The following MFSD11 variants were observed in gnomAD, a reference collection of about 807,000 sequenced individuals.
The protein encoded by MFSD11 is major facilitator superfamily domain containing 11, also known as UNC93-like protein MFSD11.
MFSD11 carries 36 observed loss-of-function variants against 53.5 expected under a neutral mutation model. That is an observed-to-expected ratio of 0.67 (90% confidence interval 0.52 to 0.89). The LOEUF is 0.89. Among genes scored for constraint, MFSD11 ranks in the 40% least tolerant of loss-of-function variants. MFSD11 has a pLI of 0.00. For missense variants in MFSD11, 530 were observed against 543.9 expected, an observed-to-expected ratio of 0.97 and a Z score of 0.25; for synonymous variants, 186 against 184.9, an observed-to-expected ratio of 1.01 and a Z score of -0.05.
At chr17:76,743,125 CAT>C (rs1285361604) in intron 5 of MFSD11, among the ~76,000 whole-genome samples, 5 of 152,264 alleles carry the variant, frequency 3.3e-5, no homozygotes, top group South Asian at 2.1e-4. Context: ...CAATAAATCA[CAT>C]GTTTCAAAGT....
intron 10 of MFSD11, 97 bp downstream of exon 10, chr17:76,769,968 G>GT (rs1015465934): frequency 9.9e-7 from 1 of 1,005,980 alleles, no homozygotes; most frequent in Non-Finnish European, 1.4e-6. Flanking sequence ...TTGAATTTCT[G>GT]TTTTTTCTAC....
At chr17:76,784,629 T>C (rs963980151), downstream of MFSD11, among the ~76,000 whole-genome samples, 1 of 152,064 alleles carries the variant, frequency 6.6e-6, no homozygotes, top group Non-Finnish European at 1.5e-5. Flanking sequence ...GTATGGTGGC[T>C]CACACCTGTA....
intron 7 of MFSD11, among the ~76,000 whole-genome samples, chr17:76,747,734 C>T (rs915804451): frequency 1.3e-5 from 2 of 152,156 alleles, no homozygotes; most frequent in African/African-American, 4.8e-5. Context: ...ATTCAGCCAG[C>T]ACATGTTTGG....
chr17:76,748,835 T>C (rs1394776030), intron 7 of MFSD11, among the ~76,000 whole-genome samples: 3 of 152,086 alleles, frequency 2.0e-5, no homozygotes, highest in African/African-American at 7.2e-5. Context: ...CTCTCTTCTT[T>C]CCTCCCTCTA....
At position 76,741,005 on chromosome 17, in the gene MFSD11, G is replaced by C. The variant is rs769082196; in HGVS notation, c.201G>C (p.Pro67=). The change falls in exon 3 of 13, where the codon CCG becomes CCC. Residue 67 remains proline (P), a synonymous_variant. Transcript: ENST00000685175. ...GVFSASNLIT[P]SVVAIVGPQL... ...TCTCTGCTTCAAATTTGATTACACCGTCAGTGGTTGCCATTGTAGGACCTC... is the reference window on the plus strand; with the variant it reads ...TCTCTGCTTCAAATTTGATTACACCCTCAGTGGTTGCCATTGTAGGACCTC... 15 of 1,611,564 alleles carry C rather than the reference G, an allele frequency of 9.3e-6. No homozygotes were observed. The highest frequency in any genetic ancestry group is 5.4e-5 in the African/African-American group (4 of 74,058).
intron 8 of MFSD11, among the ~76,000 whole-genome samples, chr17:76,765,868 A>G (rs998537885): frequency 6.6e-6 from 1 of 151,746 alleles, no homozygotes; most frequent in Non-Finnish European, 1.5e-5. Context: ...TAGAGTTCCC[A>G]TGTGGCCCCT....
At position 76,738,942 on chromosome 17, in the gene MFSD11, C is replaced by T. The variant is rs2077775096; in HGVS notation, c.101C>T (p.Thr34Ile). 1.9e-5 allele frequency: 31 copies of T among 1,613,744 alleles called. No homozygotes were observed. Among genetic ancestry groups the T allele is most frequent in the Non-Finnish European group, 2.6e-5 (31 of 1,179,734 alleles). The change falls in exon 2 of 13, where the codon ACT (threonine) becomes ATT (isoleucine). Residue 34 changes from threonine (T) to isoleucine (I), a missense_variant. Thr to Ile is a moderately conservative substitution (Grantham distance 89). Coordinates refer to ENST00000685175, the MANE Select transcript of MFSD11 (RefSeq NM_001242532.5). ...AFQTCGNVAQTVIRSLNRTDF... is the reference protein window; with the variant it reads ...AFQTCGNVAQIVIRSLNRTDF... ...TTAGTTTTATCTTCCACACAGCAAA[C>T]TGTCATCAGGAGCTTAAATAGGACA... is the stretch of plus-strand genomic sequence containing the variant.
At chr17:76,771,065 G>A (rs1194711933) in intron 10 of MFSD11, among the ~76,000 whole-genome samples, 2 of 152,168 alleles carry the variant, frequency 1.3e-5, no homozygotes, top group Non-Finnish European at 2.9e-5. Flanking sequence ...ACAATCATTG[G>A]CCATTGGTGA....
At position 76,765,511 on chromosome 17, in the gene MFSD11, G is replaced by A. The variant is rs79127601; in HGVS notation, c.683-1875G>A. Among the ~76,000 whole-genome samples the A allele has an allele frequency of 5.3e-4, 76 of 144,144 alleles. No homozygotes were observed. The East Asian group carries it at 0.015, about 28-fold the overall frequency. The allele number at this position is 144,144 out of a possible 152,430, so 94.6% of individuals were successfully genotyped here. On this transcript the variant is annotated intron_variant, in intron 8 of 12. Transcript: ENST00000685175. ...AGGGTGTTGCTCTGCCGCCTAGGGCGGAGTACAGTGGCTTGATCAGAGCTC... is the reference window on the plus strand; with the variant it reads ...AGGGTGTTGCTCTGCCGCCTAGGGCAGAGTACAGTGGCTTGATCAGAGCTC...
At chr17:76,758,001 CTG>C (rs1431409425) in intron 8 of MFSD11, among the ~76,000 whole-genome samples, 3 of 151,576 alleles carry the variant, frequency 2.0e-5, no homozygotes, top group Non-Finnish European at 4.4e-5. Flanking sequence ...CAGAGCGAGA[CTG>C]TGTCTCAAAA....
chr17:76,755,812 A>ATATATATAT (rs1555669398), intron 8 of MFSD11, among the ~76,000 whole-genome samples: 5 of 19,518 alleles, frequency 2.6e-4, no homozygotes, highest in African/African-American at 4.9e-4. Flanking sequence ...ATATATATAT[A>ATATATATAT]TTTTTTTTTT....
intron 1 of MFSD11, among the ~76,000 whole-genome samples, 153 bp from the exon 2 acceptor site, chr17:76,738,785 G>A (rs1356407102): frequency 1.3e-5 from 2 of 152,130 alleles, no homozygotes; most frequent in South Asian, 4.1e-4. Flanking sequence ...CTGCAGTTCT[G>A]TTGTCCTTTT....
At chr17:76,760,548 T>C (rs1426855767) in intron 8 of MFSD11, among the ~76,000 whole-genome samples, 6 of 150,008 alleles carry the variant, frequency 4.0e-5, no homozygotes, top group South Asian at 2.1e-4. Context: ...TTAAACGGAG[T>C]GTCGGGAGTT....
At chr17:76,793,690 A>G in the MFSD11 span, among the ~76,000 whole-genome samples, 1 of 151,568 alleles carries the variant, frequency 6.6e-6, no homozygotes, top group African/African-American at 2.4e-5. Flanking sequence ...AATCTTCACA[A>G]TTTATGTTCA....
intron 7 of MFSD11, among the ~76,000 whole-genome samples, chr17:76,750,802 G>A (rs945552446): frequency 1.3e-5 from 2 of 149,452 alleles, no homozygotes; most frequent in Admixed American, 6.7e-5. Flanking sequence ...GATAGGAAAT[G>A]TAATCTTTTT....
chr17:76,783,026 A>G (rs945196915), downstream of MFSD11, among the ~76,000 whole-genome samples: 2 of 151,798 alleles, frequency 1.3e-5, no homozygotes, highest in Non-Finnish European at 1.5e-5. Flanking sequence ...AGAATACAAA[A>G]ATTAGCCAAG....
At chr17:76,771,279 G>C (rs190159164) in intron 10 of MFSD11, among the ~76,000 whole-genome samples, 1 of 152,166 alleles carries the variant, frequency 6.6e-6, no homozygotes, top group Non-Finnish European at 1.5e-5. Context: ...AATGTCCCTC[G>C]TATCACTGAG....
At chr17:76,794,457 A>G in the MFSD11 span, among the ~76,000 whole-genome samples, 1 of 138,454 alleles carries the variant, frequency 7.2e-6, no homozygotes, top group Non-Finnish European at 1.5e-5. Context: ...AGCCTGGGTG[A>G]AAGAGCGAGA....
At chr17:76,783,268 C>T (rs1442191032), downstream of MFSD11, among the ~76,000 whole-genome samples, 2 of 152,078 alleles carry the variant, frequency 1.3e-5, no homozygotes, top group African/African-American at 4.8e-5. Context: ...AATGCTGTAG[C>T]TGGGTCTCCC....
Sources: allele counts gnomAD v4.1 joint callset (sites outside exome capture counted in the v4.1 genomes callset), GRCh38; gene constraint gnomAD v4.1.1; transcripts MANE v1.5; gene names NCBI Gene and HGNC (gene_info 2026-07-23, HGNC 2026-07-21).